Variants in GNB3 observed in about 807,000 individuals in gnomAD.
The protein encoded by GNB3 is guanine nucleotide-binding protein G(I)/G(S)/G(T) subunit beta-3.
In GNB3, 33 loss-of-function variants were observed where a neutral mutation model predicts 41.2. The observed-to-expected ratio is 0.80, with a 90% CI of 0.61 to 1.07. The LOEUF (loss-of-function observed/expected upper bound fraction) is 1.07. Among genes scored for constraint, GNB3 ranks in the 50% least tolerant of loss-of-function variants. The pLI, the probability that GNB3 is intolerant of heterozygous loss-of-function variation, is 0.00. For synonymous variants in GNB3, 172 were observed against 173.4 expected, an observed-to-expected ratio of 0.99 and a Z score of 0.06; for missense variants, 409 against 455.3, an observed-to-expected ratio of 0.90 and a Z score of 0.92.
chr12:6,843,789 C>T lies in GNB3; in HGVS notation c.510C>T (p.Asp170=). The T allele has an allele frequency of 6.2e-7, 1 of 1,613,948 alleles. No homozygotes were observed. The highest frequency in any genetic ancestry group is 8.5e-7 in the Non-Finnish European group (1 of 1,179,814). The change falls in exon 8 of 10, where the codon GAC becomes GAT. Residue 170 remains aspartate, a synonymous_variant. Coordinates refer to ENST00000229264, the MANE Select transcript of GNB3 (RefSeq NM_002075.4). The surrounding 1 kb of genome is among the most constrained non-coding windows in gnomAD (Gnocchi z 5.9). ...SSGDTTCALW[D]IETGQQKTVF... is the part of the protein sequence containing the mutation. Reference sequence around the variant, plus strand: ...TCCATTTTGGCAGTGCCTTGTGGGACATTGAGACTGGGCAGCAGAAGACTG... The same window carrying T: ...TCCATTTTGGCAGTGCCTTGTGGGATATTGAGACTGGGCAGCAGAAGACTG...
intron 8 of GNB3, among the ~76,000 whole-genome samples, chr12:6,844,456 T>C (rs1943643624): frequency 6.6e-6 from 1 of 152,112 alleles, no homozygotes; most frequent in Non-Finnish European, 1.5e-5. Flanking sequence ...AGTCTCACAC[T>C]GTTGCCCAGT....
Position 6,846,961 on chromosome 12 carries a change from A to T in GNB3, c.*63A>T. On this transcript the variant is annotated 3_prime_UTR_variant, in exon 10 of 10. Coordinates refer to ENST00000229264, the MANE Select transcript of GNB3 (RefSeq NM_002075.4). ...ACTCAGCAGCCCCCTGCCCGACCCC[A>T]TCTCATTCAGGTGTTCTCTTCTATA... 1 of 906,940 alleles carries T rather than the reference A, an allele frequency of 1.1e-6. No homozygotes were observed. Among genetic ancestry groups the T allele is most frequent in the Admixed American group, 2.0e-5 (1 of 49,718 alleles). The allele number at this position is 906,940 out of a possible 1,614,324, so 56.2% of individuals were successfully genotyped here. A position where few individuals can be genotyped will look rare whatever the true frequency, so the allele number is the denominator to read the frequency against.
At position 6,844,091 on chromosome 12, in the gene GNB3, G is replaced by GTCTTTTTTTTTTTTTTTTTTT. The variant is rs1432718669; in HGVS notation, c.699+114_699+115insCTTTTTTTTTTTTTTTTTTTT. 9 of 253,438 alleles carry GTCTTTTTTTTTTTTTTTTTTT rather than the reference G, an allele frequency of 3.6e-5. 4 individuals are homozygous for GTCTTTTTTTTTTTTTTTTTTT. The highest frequency in any genetic ancestry group is 1.7e-4 in the African/African-American group (4 of 23,258). 15.7% of individuals were successfully genotyped at this position (253,438 alleles called of 1,614,324 possible). A position where few individuals can be genotyped will look rare whatever the true frequency, so the allele number is the denominator to read the frequency against. On this transcript the variant is annotated intron_variant, in intron 8 of 9. Coordinates refer to ENST00000229264, the MANE Select transcript of GNB3 (RefSeq NM_002075.4). ...ATAGCTTCCCTAGCCCTTTCTTACT[G>GTCTTTTTTTTTTTTTTTTTTT]TATTTTTTTTTTTTTTTTTTTTTTT...
rs1462922638 is a variant in GNB3 at position 6,844,038 on chromosome 12, C to G, written c.699+60C>G. 2.7e-6 allele frequency: 3 copies of G among 1,109,104 alleles called. No homozygotes were observed. The South Asian group carries it at 4.2e-5, about 15-fold the overall frequency. 68.7% of individuals were successfully genotyped at this position (1,109,104 alleles called of 1,614,324 possible). Reference sequence around the variant, plus strand: ...TCCTTCCCCGACACTCCCCACAACACATACAATACACATCCTCTGCCCCTC... The same window carrying G: ...TCCTTCCCCGACACTCCCCACAACAGATACAATACACATCCTCTGCCCCTC... On this transcript the variant is annotated intron_variant, in intron 8 of 9. Coordinates refer to ENST00000229264, the MANE Select transcript of GNB3 (RefSeq NM_002075.4).
chr12:6,845,270 C>T (rs1943663444), intron 8 of GNB3: 3 of 344,202 alleles, frequency 8.7e-6, no homozygotes, highest in African/African-American at 6.2e-5. Flanking sequence ...CTTGTGTAGT[C>T]TGGGAGTCTG....
intron 8 of GNB3, chr12:6,845,296 G>A (rs1212766017): frequency 4.2e-5 from 16 of 378,158 alleles, no homozygotes; most frequent in Non-Finnish European, 6.9e-5. Flanking sequence ...ACCTCCGTCC[G>A]CCCTTCTAGC....
chr12:6,843,452 C>T lies in GNB3; in HGVS notation c.357C>T (p.Asn119=), dbSNP rs1565518576. ...GNFVACGGLD[N]MCSIYNLKSR... ...TTGTGGCATGTGGGGGGCTGGACAA[C>T]ATGTGTTCCATCTACAACCTCAAAT... The change falls in exon 6 of 10, where the codon AAC becomes AAT. Residue 119 remains asparagine (N), a synonymous_variant. Coordinates refer to ENST00000229264, the MANE Select transcript of GNB3 (RefSeq NM_002075.4). The surrounding 1 kb of genome is among the most constrained non-coding windows in gnomAD (Gnocchi z 5.9). 1 of 1,614,096 alleles carries T rather than the reference C, an allele frequency of 6.2e-7. No homozygotes were observed. Among genetic ancestry groups the T allele is most frequent in the South Asian group, 1.1e-5 (1 of 91,088 alleles).
rs200309858 is a variant in GNB3 at position 6,843,639 on chromosome 12, C to T, written c.438C>T (p.Leu146=). The change falls in exon 7 of 10, where the codon CTC becomes CTT. Residue 146 remains leucine (L), a synonymous_variant. Coordinates refer to ENST00000229264, the MANE Select transcript of GNB3 (RefSeq NM_002075.4). The surrounding 1 kb of genome is among the most constrained non-coding windows in gnomAD (Gnocchi z 5.9). The part of the protein sequence containing the change: ...SRELSAHTGY[L]SCCRFLDDNN... Reference sequence around the variant, plus strand: ...CCTTCTAACCGCCTCCAGGTTATCTCTCCTGCTGCCGCTTCCTGGATGACA... The same window carrying T: ...CCTTCTAACCGCCTCCAGGTTATCTTTCCTGCTGCCGCTTCCTGGATGACA... The T allele has an allele frequency of 6.2e-7, 1 of 1,614,208 alleles. No homozygotes were observed. Among genetic ancestry groups the T allele is most frequent in the East Asian group, 2.2e-5 (1 of 44,894 alleles).
intron 8 of GNB3, among the ~76,000 whole-genome samples, chr12:6,844,576 C>T (rs1449124291): frequency 2.6e-5 from 4 of 152,200 alleles, no homozygotes; most frequent in Non-Finnish European, 4.4e-5. Flanking sequence ...CGTGTGACCA[C>T]GCTTGGCTAA....
chr12:6,843,876 C>G lies in GNB3; in HGVS notation c.597C>G (p.Phe199Leu). The G allele has an allele frequency of 6.2e-7, 1 of 1,614,102 alleles. No homozygotes were observed. Among genetic ancestry groups the G allele is most frequent in the Non-Finnish European group, 8.5e-7 (1 of 1,179,984 alleles). ...CTGTGTCTCCTGACTTCAATCTCTT[C>G]ATTTCGGGGGCCTGTGATGCCAGTG... is the stretch of plus-strand genomic sequence containing the variant. Reference protein sequence around the residue: ...SLAVSPDFNLFISGACDASAK... With the variant: ...SLAVSPDFNLLISGACDASAK... Residue 199 changes from phenylalanine (F) to leucine (L), a missense_variant, in exon 8 of 10, where the codon TTC (phenylalanine) becomes TTG (leucine). Transcript: ENST00000229264. The surrounding 1 kb of genome is among the most constrained non-coding windows in gnomAD (Gnocchi z 5.9).
chr12:6,845,936 C>A (rs1017383822), intron 9 of GNB3, 134 bp downstream of exon 9: 4 of 675,022 alleles, frequency 5.9e-6, no homozygotes, highest in Non-Finnish European at 1.1e-5. Flanking sequence ...GTGACTCCAC[C>A]CCTGGAATCC....
rs782769083 is a variant in GNB3, at chr12:6,843,959, C to T, written c.680C>T (p.Ser227Leu). The change falls in exon 8 of 10, where the codon TCG becomes TTG. Residue 227 changes from serine (S) to leucine (L), a missense_variant. Coordinates refer to ENST00000229264, the MANE Select transcript of GNB3 (RefSeq NM_002075.4). This position sits in a 1 kb window ranked among gnomAD's most constrained non-coding sequence, Gnocchi z 5.9. ...CGTCAGACTTTCACTGGCCACGAGT[C>T]GGACATCAACGCCATCTGTGTGAGT... is the stretch of plus-strand genomic sequence containing the variant. Reference protein sequence around the residue: ...TCRQTFTGHESDINAICFFPN... With the variant: ...TCRQTFTGHELDINAICFFPN... 3.8e-5 allele frequency: 61 copies of T among 1,611,944 alleles called. No individual in the cohort carries two copies. The highest frequency in any genetic ancestry group is 3.5e-4 in the Admixed American group (21 of 59,892).
chr12:6,843,429 G>T lies in GNB3; in HGVS notation c.334G>T (p.Val112Leu). Residue 112 changes from valine (V) to leucine (L), a missense_variant, in exon 6 of 10, where the codon GTG (valine) becomes TTG (leucine). Coordinates refer to ENST00000229264, the MANE Select transcript of GNB3 (RefSeq NM_002075.4). The surrounding 1 kb of genome is among the most constrained non-coding windows in gnomAD (Gnocchi z 5.9). ...TCAYAPSGNF[V>L]ACGGLDNMCS... ...TGCCTATGCCCCATCAGGGAACTTT[G>T]TGGCATGTGGGGGGCTGGACAACAT... 1 of 1,614,158 alleles carries T rather than the reference G, an allele frequency of 6.2e-7. No individual in the cohort carries two copies. The highest frequency in any genetic ancestry group is 8.5e-7 in the Non-Finnish European group (1 of 1,180,008).
chr12:6,843,561 T>A lies in GNB3; in HGVS notation c.430+36T>A. 1 of 1,611,726 alleles carries A rather than the reference T, an allele frequency of 6.2e-7. No homozygotes were observed. The highest frequency in any genetic ancestry group is 8.5e-7 in the Non-Finnish European group (1 of 1,177,854). ...GACCCTCTCCTCCCCTCCTGAGGGGTTCAGGGAACCCTGGGCTTCCAGTGG... is the reference window on the plus strand; with the variant it reads ...GACCCTCTCCTCCCCTCCTGAGGGGATCAGGGAACCCTGGGCTTCCAGTGG... On this transcript the variant is annotated intron_variant, in intron 6 of 9. Coordinates refer to ENST00000229264, the MANE Select transcript of GNB3 (RefSeq NM_002075.4). The surrounding 1 kb of genome is among the most constrained non-coding windows in gnomAD (Gnocchi z 5.9).
Position 6,847,228 on chromosome 12 carries a change from C to G in GNB3, c.*330C>G. ...GGCCCCAGGCCCTAGGATTCCTCCCCCAGAGCCACTACCTTTGTCCAGGCC... is the reference window on the plus strand; with the variant it reads ...GGCCCCAGGCCCTAGGATTCCTCCCGCAGAGCCACTACCTTTGTCCAGGCC... On this transcript the variant is annotated 3_prime_UTR_variant, in exon 10 of 10. Transcript: ENST00000229264. 1 of 331,158 alleles carries G rather than the reference C, an allele frequency of 3.0e-6. No individual in the cohort carries two copies. The allele number at this position is 331,158 out of a possible 1,614,324, so 20.5% of individuals were successfully genotyped here. A position where few individuals can be genotyped will look rare whatever the true frequency, so the allele number is the denominator to read the frequency against.
intron 3 of GNB3, among the ~76,000 whole-genome samples, chr12:6,842,529 C>G (rs1324171564): frequency 1.3e-5 from 2 of 152,190 alleles, no homozygotes; most frequent in African/African-American, 4.8e-5. Context: ...TCAGGAGGTA[C>G]AGTTCAGGGT....
At chr12:6,842,375 C>G (rs1282626122) in intron 3 of GNB3, among the ~76,000 whole-genome samples, 1 of 152,066 alleles carries the variant, frequency 6.6e-6, no homozygotes, top group Non-Finnish European at 1.5e-5. Flanking sequence ...ATAGTGAGAT[C>G]TCTTCTTAAT....
chr12:6,846,170 C>T (rs1943692321), intron 9 of GNB3: 2 of 255,146 alleles, frequency 7.8e-6, no homozygotes, highest in Non-Finnish European at 1.5e-5. Context: ...TGGAGTGGCC[C>T]GAGGGCCCTG....
rs1943568885 is a variant in GNB3, at chr12:6,841,291, G to T, written c.4G>T (p.Gly2Trp). The change falls in exon 2 of 10, where the codon GGG becomes TGG. Residue 2 changes from glycine (G) to tryptophan (W), a missense_variant. Physicochemically the swap from Gly to Trp is radical, Grantham distance 184. Transcript: ENST00000229264. MGEMEQLRQEAE... is the reference protein window; with the variant it reads MWEMEQLRQEAE... ...GTGACCCCTCGACCTGTCAGCCATG[G>T]GGGAGATGGAGCAACTGCGTCAGGA... The T allele has an allele frequency of 6.2e-7, 1 of 1,613,162 alleles. No homozygotes were observed. Among genetic ancestry groups the T allele is most frequent in the Non-Finnish European group, 8.5e-7 (1 of 1,179,544 alleles).
Sources: allele counts gnomAD v4.1 joint callset (sites outside exome capture counted in the v4.1 genomes callset), GRCh38; gene constraint gnomAD v4.1.1; non-coding constraint Gnocchi (gnomAD v3.1); transcripts MANE v1.5; gene names NCBI Gene and HGNC (gene_info 2026-07-23, HGNC 2026-07-21).